The following SHANK2 variants were observed in gnomAD, a reference collection of about 807,000 sequenced individuals.
SHANK2 encodes SH3 and multiple ankyrin repeat domains 2.
SHANK2 carries 43 observed loss-of-function variants against 133.7 expected under a neutral mutation model. The observed-to-expected ratio is 0.32, with a 90% CI of 0.25 to 0.41. The LOEUF (loss-of-function observed/expected upper bound fraction) is 0.41. Ranked by LOEUF, SHANK2 falls within the 10% of genes least tolerant of loss-of-function variation. SHANK2 has a pLI of 1.00. For missense variants in SHANK2, 1,994 were observed against 2,235.8 expected (o/e 0.89, Z 2.18); for synonymous variants, 1,017 against 952.8 (o/e 1.07, Z -1.24).
chr11:71,210,554 T>C (rs1555118766), intron 2 of SHANK2, among the ~76,000 whole-genome samples: 3 of 151,964 alleles, frequency 2.0e-5, no homozygotes, highest in Non-Finnish European at 4.4e-5. Flanking sequence ...CCAGCCCAGA[T>C]ACATATTTAT....
intron 17 of SHANK2, among the ~76,000 whole-genome samples, chr11:70,537,829 G>T (rs1283403545): frequency 6.6e-6 from 1 of 152,216 alleles, no homozygotes; most frequent in Non-Finnish European, 1.5e-5. Flanking sequence ...GCGGGGCCAG[G>T]CCTGGTGTAG....
intron 17 of SHANK2, among the ~76,000 whole-genome samples, chr11:70,600,383 C>T (rs1591633504): frequency 7.6e-6 from 1 of 131,864 alleles, no homozygotes; most frequent in South Asian, 2.4e-4. Flanking sequence ...TGCGCCACTG[C>T]ACTCCAGCCT....
intron 12 of SHANK2, among the ~76,000 whole-genome samples, chr11:70,816,869 T>C (rs1555054491): frequency 6.6e-6 from 1 of 152,226 alleles, no homozygotes; most frequent in Non-Finnish European, 1.5e-5. Flanking sequence ...GTACCTTGTT[T>C]GCAGGACATT....
At chr11:71,142,369 C>A (rs782147004) in intron 3 of SHANK2, among the ~76,000 whole-genome samples, 1 of 151,990 alleles carries the variant, frequency 6.6e-6, no homozygotes, top group Non-Finnish European at 1.5e-5. Flanking sequence ...GGCGTGGTGG[C>A]GCATGCCTAT....
At chr11:70,954,718 C>A (rs1379035925) in intron 10 of SHANK2, among the ~76,000 whole-genome samples, 2 of 152,270 alleles carry the variant, frequency 1.3e-5, no homozygotes, top group Non-Finnish European at 2.9e-5. Context: ...TCTGCCATCA[C>A]TGGCTTAGCC....
chr11:71,090,839 C>T (rs1352101043), intron 8 of SHANK2, among the ~76,000 whole-genome samples: 1 of 152,102 alleles, frequency 6.6e-6, no homozygotes, highest in Non-Finnish European at 1.5e-5. Flanking sequence ...GGGCAGTGTT[C>T]AGCGGGAATC....
At chr11:70,475,182 A>G (rs937724501) in intron 25 of SHANK2, 3 of 152,216 alleles carry the variant, frequency 2.0e-5, no homozygotes, top group Non-Finnish European at 4.4e-5. Flanking sequence ...AGAGGAGCCC[A>G]CAGACCCTTC....
intron 2 of SHANK2, among the ~76,000 whole-genome samples, chr11:71,210,510 A>T (rs782102691): frequency 6.6e-6 from 1 of 152,002 alleles, no homozygotes; most frequent in East Asian, 1.9e-4. Context: ...TCGGCCTCCC[A>T]AAGTGCTGGG....
At chr11:70,950,669 G>A (rs888281680) in intron 10 of SHANK2, among the ~76,000 whole-genome samples, 13 of 149,564 alleles carry the variant, frequency 8.7e-5, no homozygotes, top group Admixed American at 4.0e-4. Flanking sequence ...GTACAATGGC[G>A]TGATCTCTGC....
At chr11:70,717,899 G>A (rs1945977727) in intron 14 of SHANK2, among the ~76,000 whole-genome samples, 1 of 152,190 alleles carries the variant, frequency 6.6e-6, no homozygotes, top group African/African-American at 2.4e-5. Context: ...GATGGCTCCG[G>A]GAATGTTTCA....
At chr11:71,201,034 C>A (rs1185248465) in intron 2 of SHANK2, among the ~76,000 whole-genome samples, 1 of 152,136 alleles carries the variant, frequency 6.6e-6, no homozygotes, top group African/African-American at 2.4e-5. Flanking sequence ...ATAAAGCCCC[C>A]ACACCGACCT....
intron 11 of SHANK2, among the ~76,000 whole-genome samples, chr11:70,836,613 C>T (rs147348980): frequency 0.017 from 2,541 of 152,284 alleles, 34 homozygotes; most frequent in Non-Finnish European, 0.026. Context: ...GGCTCCTCAC[C>T]GCCTGGGCAT....
intron 2 of SHANK2, among the ~76,000 whole-genome samples, chr11:71,169,429 T>A (rs1011179346): frequency 6.6e-6 from 1 of 152,132 alleles, no homozygotes; most frequent in African/African-American, 2.4e-5. Context: ...CTCCAAAATA[T>A]GTATGTACAT....
intron 5 of SHANK2, 95 bp downstream of exon 5, chr11:71,113,198 G>A (rs1342065898): frequency 9.2e-7 from 1 of 1,092,046 alleles, no homozygotes; most frequent in Middle Eastern, 2.2e-4. Context: ...CACAGCAGGT[G>A]CCCCTGGAAG....
chr11:70,901,100 T>G (rs1187184860), intron 10 of SHANK2, among the ~76,000 whole-genome samples: 2 of 152,062 alleles, frequency 1.3e-5, no homozygotes, highest in East Asian at 3.9e-4. Flanking sequence ...CACCATTATC[T>G]CTACTCGACA....
At chr11:70,726,357 G>A (rs1263288836) in intron 14 of SHANK2, among the ~76,000 whole-genome samples, 1 of 151,986 alleles carries the variant, frequency 6.6e-6, no homozygotes, top group Non-Finnish European at 1.5e-5. Flanking sequence ...GAAACCTCTG[G>A]TCAAGGTGCA....
intron 1 of SHANK2, among the ~76,000 whole-genome samples, chr11:71,230,790 C>T (rs1279792919): frequency 2.0e-5 from 3 of 152,190 alleles, no homozygotes; most frequent in African/African-American, 4.8e-5. Context: ...CAACTGATTG[C>T]TGATGAAGGT....
intron 14 of SHANK2, among the ~76,000 whole-genome samples, chr11:70,769,870 T>C (rs1370327482): frequency 6.6e-6 from 1 of 152,144 alleles, no homozygotes; most frequent in Non-Finnish European, 1.5e-5. Context: ...CTCAATGAGG[T>C]CTGTGGTTGC....
At chr11:70,567,329 T>C (rs1401864326) in intron 17 of SHANK2, among the ~76,000 whole-genome samples, 1 of 152,060 alleles carries the variant, frequency 6.6e-6, no homozygotes, top group Non-Finnish European at 1.5e-5. Context: ...CTGGTGTCCT[T>C]ATAAGAGCTG....
Sources: allele counts gnomAD v4.1 joint callset (sites outside exome capture counted in the v4.1 genomes callset), GRCh38; gene constraint gnomAD v4.1.1; transcripts MANE v1.5; gene names NCBI Gene and HGNC (gene_info 2026-07-23, HGNC 2026-07-21).